The following ADAMTSL1 variants were observed in gnomAD, a reference collection of about 807,000 sequenced individuals.
ADAMTSL1 encodes ADAMTS-like protein 1.
In ADAMTSL1, 126 loss-of-function variants were observed where a neutral mutation model predicts 201.8. That is an observed-to-expected ratio of 0.62 (90% CI 0.54 to 0.72). The LOEUF (loss-of-function observed/expected upper bound fraction) is 0.72, where lower values mean the gene tolerates loss of function less well. Among genes scored for constraint, ADAMTSL1 ranks in the 30% least tolerant of loss-of-function variants. The pLI is 0.00. For synonymous variants in ADAMTSL1, 1,121 were observed against 903.4 expected (o/e 1.24, Z -4.32); for missense variants, 2,679 against 2,277.8 (o/e 1.18, Z -3.59).
Position 18,241,559 on chromosome 9 carries a change from A to C in ADAMTSL1, c.207+77578A>C, listed in dbSNP as rs537164814. Among the ~76,000 whole-genome samples, 13 of 152,264 alleles carry C rather than the reference A, an allele frequency of 8.5e-5. No homozygotes were observed. The South Asian group carries it at 2.5e-3, about 29-fold the overall frequency. Reference sequence around the variant, plus strand: ...GTGTTTCTTCTCTCTTTAAAAAAAAAATTTGTATTGCACATGTTTAACATA... The same window carrying C: ...GTGTTTCTTCTCTCTTTAAAAAAAACATTTGTATTGCACATGTTTAACATA... On this transcript the variant is annotated intron_variant, in intron 2 of 29. Transcript: ENST00000680146.
At chr9:18,775,072 G>A (rs1016624226) in intron 17 of ADAMTSL1, among the ~76,000 whole-genome samples, 1 of 151,540 alleles carries the variant, frequency 6.6e-6, no homozygotes, top group Non-Finnish European at 1.5e-5. Flanking sequence ...TTATTATTAT[G>A]GCCATTCTAG....
At chr9:18,505,087 A>G in intron 2 of ADAMTSL1, 131 bp downstream of exon 2, 2 of 1,183,880 alleles carry the variant, frequency 1.7e-6, no homozygotes, top group Non-Finnish European at 2.3e-6. Context: ...AATTAAAGGA[A>G]CGTACAAATA....
At chr9:18,503,532 A>G (rs1212043844) in intron 1 of ADAMTSL1, among the ~76,000 whole-genome samples, 3 of 151,542 alleles carry the variant, frequency 2.0e-5, no homozygotes, top group Admixed American at 1.3e-4. Flanking sequence ...TCACTGCTCA[A>G]AAAGATTCAT....
intron 1 of ADAMTSL1, among the ~76,000 whole-genome samples, chr9:18,476,725 G>A (rs1170135097): frequency 6.6e-6 from 1 of 151,888 alleles, no homozygotes; most frequent in African/African-American, 2.4e-5. Context: ...TCTATTCTTG[G>A]ACTTATTTGG....
intron 3 of ADAMTSL1, among the ~76,000 whole-genome samples, chr9:18,562,149 T>G (rs987021830): frequency 6.6e-6 from 1 of 152,198 alleles, no homozygotes; most frequent in Non-Finnish European, 1.5e-5. Context: ...TGTTTTTGCA[T>G]TGGCTGGTAC....
At chr9:17,949,213 T>G (rs112319813) in intron 1 of ADAMTSL1, among the ~76,000 whole-genome samples, 1 of 152,152 alleles carries the variant, frequency 6.6e-6, no homozygotes, top group Non-Finnish European at 1.5e-5. Flanking sequence ...ATTTTGAAGA[T>G]TTTTGCAGAC....
intron 4 of ADAMTSL1, among the ~76,000 whole-genome samples, chr9:18,615,093 G>T (rs1448751340): frequency 6.6e-6 from 1 of 152,184 alleles, no homozygotes; most frequent in Admixed American, 6.5e-5. Context: ...TTTTATTGCA[G>T]ATAAATATAT....
rs572980070 is a variant in ADAMTSL1, at chr9:18,314,914, A to T, written c.207+150933A>T. Reference sequence around the variant, plus strand: ...CGGGTTCACGCCATTCTCCTGCCTCAGCCTCCCGAGTAGCTGGGACTACAG... The same window carrying T: ...CGGGTTCACGCCATTCTCCTGCCTCTGCCTCCCGAGTAGCTGGGACTACAG... On this transcript the variant is annotated intron_variant, in intron 2 of 29. Transcript: ENST00000680146. Among the ~76,000 whole-genome samples the T allele has an allele frequency of 3.3e-4, 47 of 143,346 alleles. 2 individuals carry two copies. The East Asian group carries it at 9.1e-3, about 28-fold the overall frequency. 94.0% of individuals were successfully genotyped at this position (143,346 alleles called of 152,430 possible). A position where few individuals can be genotyped will look rare whatever the true frequency, so the allele number is the denominator to read the frequency against.
chr9:18,228,501 C>A (rs1046769561), intron 2 of ADAMTSL1, among the ~76,000 whole-genome samples: 4 of 152,100 alleles, frequency 2.6e-5, no homozygotes, highest in Non-Finnish European at 4.4e-5. Flanking sequence ...GCTCACTGTG[C>A]CCTTGAACTC....
At chr9:17,908,398 G>A (rs1563888500) in intron 1 of ADAMTSL1, among the ~76,000 whole-genome samples, 1 of 152,096 alleles carries the variant, frequency 6.6e-6, no homozygotes. Flanking sequence ...AAAGCTCTCG[G>A]GTAATTCTGT....
chr9:18,733,241 G>A (rs529579935), intron 15 of ADAMTSL1, among the ~76,000 whole-genome samples: 1 of 152,168 alleles, frequency 6.6e-6, no homozygotes, highest in Non-Finnish European at 1.5e-5. Context: ...AGTTAACAAG[G>A]TCTGCTTTCT....
chr9:18,470,786 G>T (rs928167251), upstream of ADAMTSL1, among the ~76,000 whole-genome samples: 1 of 152,128 alleles, frequency 6.6e-6, no homozygotes, highest in Non-Finnish European at 1.5e-5. Flanking sequence ...TTTCAATTAA[G>T]TATTGTTAAA....
At chr9:18,280,291 G>C in intron 2 of ADAMTSL1, among the ~76,000 whole-genome samples, 1 of 152,004 alleles carries the variant, frequency 6.6e-6, no homozygotes, top group African/African-American at 2.4e-5. Flanking sequence ...CCTTGGTCAG[G>C]CCTGAAACTT....
intron 3 of ADAMTSL1, among the ~76,000 whole-genome samples, chr9:18,542,635 A>G (rs531250023): frequency 6.6e-6 from 1 of 152,234 alleles, no homozygotes; most frequent in Admixed American, 6.5e-5. Flanking sequence ...CTCAGTAGAA[A>G]CCAACCTTGC....
chr9:18,838,449 GA>G (rs1825476342), intron 23 of ADAMTSL1, among the ~76,000 whole-genome samples: 1 of 151,696 alleles, frequency 6.6e-6, no homozygotes, highest in Non-Finnish European at 1.5e-5. Flanking sequence ...GGTAGGGAAA[GA>G]GAGAAAAGCT....
chr9:18,446,330 A>G (rs1367878640), intron 2 of ADAMTSL1, among the ~76,000 whole-genome samples: 3 of 152,210 alleles, frequency 2.0e-5, no homozygotes, highest in Non-Finnish European at 4.4e-5. Flanking sequence ...ATTAGTCTAG[A>G]TTCGTGCTGG....
chr9:18,295,157 C>T (rs972631735), intron 2 of ADAMTSL1, among the ~76,000 whole-genome samples: 4 of 152,022 alleles, frequency 2.6e-5, no homozygotes, highest in South Asian at 4.2e-4. Flanking sequence ...GAATGGGCCA[C>T]GCAACTTTGC....
intron 13 of ADAMTSL1, among the ~76,000 whole-genome samples, chr9:18,702,725 C>T (rs1437158958): frequency 6.6e-6 from 1 of 151,702 alleles, no homozygotes; most frequent in African/African-American, 2.4e-5. Context: ...TTTGTCAAAC[C>T]ATTCTTCATT....
At chr9:18,613,268 T>G (rs1256450670) in intron 4 of ADAMTSL1, among the ~76,000 whole-genome samples, 1 of 151,810 alleles carries the variant, frequency 6.6e-6, no homozygotes, top group Non-Finnish European at 1.5e-5. Flanking sequence ...TTGGTGGGAG[T>G]GTAAATTAGT....
Sources: gnomAD v4.1 joint callset for allele counts (sites outside exome capture counted in the v4.1 genomes callset) on GRCh38, gnomAD v4.1.1 for gene constraint, MANE v1.5 for transcripts, NCBI Gene and HGNC (gene_info 2026-07-23, HGNC 2026-07-21) for gene names.